The following SCFD2 variants were observed in gnomAD, a reference collection of about 807,000 sequenced individuals.
SCFD2 encodes the protein sec1 family domain-containing protein 2.
In SCFD2, 54 loss-of-function variants were observed where a neutral mutation model predicts 58.9. The ratio of observed to expected loss-of-function variants is 0.92; its 90% CI spans 0.74 to 1.15. The LOEUF is 1.15. SCFD2 is among the 50% of genes most tolerant of loss of function. The pLI is 0.00. For missense variants in SCFD2, 805 were observed against 836.6 expected, an observed-to-expected ratio of 0.96 and a Z score of 0.47; for synonymous variants, 321 against 335.9, an observed-to-expected ratio of 0.96 and a Z score of 0.49.
At chr4:53,044,915 C>CT (rs869152313) in intron 5 of SCFD2, among the ~76,000 whole-genome samples, 5 of 8,372 alleles carry the variant, frequency 6.0e-4, no homozygotes, top group Admixed American at 4.3e-3. Context: ...AACCCCCCCC[C>CT]CCCGCCCACA....
chr4:53,155,915 C>G (rs1467118372), intron 4 of SCFD2, among the ~76,000 whole-genome samples: 1 of 152,186 alleles, frequency 6.6e-6, no homozygotes, highest in African/African-American at 2.4e-5. Flanking sequence ...ACCTTTTTCA[C>G]TGTATTGACA....
chr4:52,939,549 T>C (rs189417726), intron 5 of SCFD2, among the ~76,000 whole-genome samples: 100 of 152,242 alleles, frequency 6.6e-4, no homozygotes, highest in African/African-American at 2.3e-3. Flanking sequence ...ATGCTTACTA[T>C]GTGTCAGGCA....
intron 4 of SCFD2, among the ~76,000 whole-genome samples, chr4:53,247,645 G>T (rs193293039): frequency 6.6e-6 from 1 of 151,088 alleles, no homozygotes. Flanking sequence ...GGATCATGAG[G>T]TCAGGAGATC....
intron 4 of SCFD2, among the ~76,000 whole-genome samples, chr4:53,257,739 A>ATTATAT (rs1392988811): frequency 6.6e-6 from 1 of 151,478 alleles, no homozygotes; most frequent in Non-Finnish European, 1.5e-5. Flanking sequence ...GCCTTTGGAG[A>ATTATAT]TTATATTTTT....
intron 7 of SCFD2, among the ~76,000 whole-genome samples, chr4:52,903,991 G>A (rs1185097922): frequency 6.6e-6 from 1 of 152,182 alleles, no homozygotes; most frequent in East Asian, 1.9e-4. Flanking sequence ...GCCACATGGG[G>A]CCTGGACAAC....
intron 5 of SCFD2, among the ~76,000 whole-genome samples, chr4:53,009,146 C>T (rs1722042869): frequency 6.6e-6 from 1 of 152,196 alleles, no homozygotes; most frequent in African/African-American, 2.4e-5. Context: ...CTCTCACTAT[C>T]AGCCCCTTTA....
chr4:53,083,507 C>A (rs1724211141), intron 5 of SCFD2, among the ~76,000 whole-genome samples: 1 of 152,132 alleles, frequency 6.6e-6, no homozygotes, highest in African/African-American at 2.4e-5. Flanking sequence ...AAAAGGAAAA[C>A]TGCAGGTCAG....
intron 5 of SCFD2, among the ~76,000 whole-genome samples, chr4:53,049,079 C>T (rs570644328): frequency 6.6e-6 from 1 of 152,320 alleles, no homozygotes; most frequent in East Asian, 1.9e-4. Context: ...ATAAGCACAA[C>T]AGAATGGCGT....
At chr4:53,173,164 C>T (rs1232782655) in intron 4 of SCFD2, among the ~76,000 whole-genome samples, 1 of 151,972 alleles carries the variant, frequency 6.6e-6, no homozygotes, top group Non-Finnish European at 1.5e-5. Flanking sequence ...GTACAGATGC[C>T]CCTTAACTTG....
chr4:53,249,397 G>T (rs900861437), intron 4 of SCFD2, among the ~76,000 whole-genome samples: 15 of 152,210 alleles, frequency 9.9e-5, no homozygotes, highest in Admixed American at 9.8e-4. Context: ...ATATTATCCA[G>T]GAGAACTTCC....
intron 5 of SCFD2, among the ~76,000 whole-genome samples, chr4:52,992,725 G>T (rs1420393907): frequency 6.6e-6 from 1 of 152,124 alleles, no homozygotes; most frequent in African/African-American, 2.4e-5. Context: ...CGCCCCGTCT[G>T]AGAAGTGAAG....
chr4:53,208,248 A>T lies in SCFD2; in HGVS notation c.1312-62666T>A, dbSNP rs542340401. Among the ~76,000 whole-genome samples, 5 of 152,152 alleles carry T rather than the reference A, an allele frequency of 3.3e-5. No homozygotes were observed. In the East Asian group the frequency reaches 5.8e-4, roughly 18 times the overall value. On this transcript the variant is annotated intron_variant, in intron 4 of 8. Coordinates refer to ENST00000401642, the MANE Select transcript of SCFD2 (RefSeq NM_152540.4). ...TTGGCCTCCCAAAGTCCTGGGCCAG[A>T]CACGAGCCACCACACCTCGCCAGGT... is the stretch of plus-strand genomic sequence containing the variant.
chr4:53,146,244 T>C (rs1368402180), intron 4 of SCFD2, among the ~76,000 whole-genome samples: 1 of 152,186 alleles, frequency 6.6e-6, no homozygotes, highest in Non-Finnish European at 1.5e-5. Context: ...TAGCAGAGGA[T>C]TTCAAAATTC....
intron 3 of SCFD2, among the ~76,000 whole-genome samples, chr4:53,303,036 C>T (rs1394886356): frequency 6.6e-6 from 1 of 152,192 alleles, no homozygotes; most frequent in Non-Finnish European, 1.5e-5. Flanking sequence ...AGGACATAGG[C>T]ATGGGCAAGG....
At chr4:53,080,488 G>C (rs6843335) in intron 5 of SCFD2, among the ~76,000 whole-genome samples, 2 of 151,898 alleles carry the variant, frequency 1.3e-5, no homozygotes, top group African/African-American at 4.8e-5. Flanking sequence ...TGAAAATAAC[G>C]TATATAGAAA....
chr4:53,154,153 C>T (rs1391653004), intron 4 of SCFD2, among the ~76,000 whole-genome samples: 2 of 152,162 alleles, frequency 1.3e-5, no homozygotes, highest in Non-Finnish European at 2.9e-5. Context: ...CCCCATTCCT[C>T]GTACCGATTT....
At position 53,365,243 on chromosome 4, in the gene SCFD2, C is replaced by G; in HGVS notation, c.699G>C (p.Arg233=). Reference sequence around the variant, plus strand: ...AGGAACCTACAGCAAAACACTCCTCCCGTACTCCTAAATGTTCACACAGAG... The same window carrying G: ...AGGAACCTACAGCAAAACACTCCTCGCGTACTCCTAAATGTTCACACAGAG... ...LSSLCEHLGV[R]EECFAVGSLS... is the part of the protein sequence containing the mutation. The change falls in exon 1 of 9, where the codon CGG becomes CGC. Residue 233 remains arginine, a synonymous_variant. Transcript: ENST00000401642. The surrounding 1 kb of genome is among the most constrained non-coding windows in gnomAD (Gnocchi z 4.3). 6.2e-7 allele frequency: 1 copy of G among 1,614,174 alleles called. No individual in the cohort carries two copies. The highest frequency in any genetic ancestry group is 8.5e-7 in the Non-Finnish European group (1 of 1,180,038).
intron 4 of SCFD2, among the ~76,000 whole-genome samples, chr4:53,234,302 A>C (rs1729528994): frequency 6.6e-6 from 1 of 152,136 alleles, no homozygotes; most frequent in Non-Finnish European, 1.5e-5. Flanking sequence ...CCCCTCCACT[A>C]TTTGGAAGTG....
chr4:53,057,336 G>A lies in SCFD2; in HGVS notation c.1561+87997C>T, dbSNP rs149613379. Among the ~76,000 whole-genome samples, 710 of 152,152 alleles carry A rather than the reference G, an allele frequency of 4.7e-3. 2 individuals carry two copies. The highest frequency in any genetic ancestry group is 0.016 in the African/African-American group (682 of 41,512). On this transcript the variant is annotated intron_variant, in intron 5 of 8. Transcript: ENST00000401642. Reference sequence around the variant, plus strand: ...ATGGAATACTATGCAGCCATAAAAAGGAATGAGATCATGTCCTTTGCAGGG... The same window carrying A: ...ATGGAATACTATGCAGCCATAAAAAAGAATGAGATCATGTCCTTTGCAGGG...
Sources: gnomAD v4.1 joint callset for allele counts (sites outside exome capture counted in the v4.1 genomes callset) on GRCh38, gnomAD v4.1.1 for gene constraint, Gnocchi (gnomAD v3.1) non-coding constraint, MANE v1.5 for transcripts, NCBI Gene and HGNC (gene_info 2026-07-23, HGNC 2026-07-21) for gene names.